PDE3B: variants seen among roughly 807,000 people sequenced by gnomAD.
The protein encoded by PDE3B is cGMP-inhibited 3',5'-cyclic phosphodiesterase 3B.
Under a neutral mutation model 116.8 loss-of-function variants are expected in PDE3B, and 66 were observed. The ratio of observed to expected loss-of-function variants is 0.56; its 90% CI spans 0.46 to 0.69. The LOEUF is 0.69. Ranked by LOEUF, PDE3B falls within the 30% of genes least tolerant of loss-of-function variation. The pLI, the probability that PDE3B is intolerant of heterozygous loss-of-function variation, is 0.00. For synonymous variants in PDE3B, 595 were observed against 533.6 expected, an observed-to-expected ratio of 1.12 and a Z score of -1.59; for missense variants, 1,384 against 1,368.1, an observed-to-expected ratio of 1.01 and a Z score of -0.18.
At chr11:14,879,189 C>G in the PDE3B span, 1 of 1,613,294 alleles carries the variant, frequency 6.2e-7, no homozygotes. Context: ...GGATGGAACA[C>G]TTCTGGGTCT....
At chr11:14,796,026 GT>G in intron 4 of PDE3B, among the ~76,000 whole-genome samples, 1 of 151,876 alleles carries the variant, frequency 6.6e-6, no homozygotes, top group Non-Finnish European at 1.5e-5. Flanking sequence ...CCCTCCTCTA[GT>G]CCCCCACCCC....
the PDE3B span, among the ~76,000 whole-genome samples, chr11:14,885,597 A>C: frequency 6.6e-6 from 1 of 152,204 alleles, no homozygotes. Context: ...TTAGCAATGT[A>C]CTGGTCTAAA....
chr11:14,803,287 G>A (rs1208383130), intron 4 of PDE3B, among the ~76,000 whole-genome samples: 1 of 152,206 alleles, frequency 6.6e-6, no homozygotes, highest in Non-Finnish European at 1.5e-5. Flanking sequence ...AAGAATGACT[G>A]AGCATTGACA....
intron 1 of PDE3B, among the ~76,000 whole-genome samples, chr11:14,684,084 C>G (rs997935348): frequency 6.6e-6 from 1 of 152,114 alleles, no homozygotes; most frequent in African/African-American, 2.4e-5. Flanking sequence ...GAGATTTTAT[C>G]TGTGGTACTT....
At chr11:14,675,302 G>T (rs572761622) in intron 1 of PDE3B, among the ~76,000 whole-genome samples, 18 of 151,798 alleles carry the variant, frequency 1.2e-4, no homozygotes, top group African/African-American at 4.3e-4. Flanking sequence ...ATAATCTTTG[G>T]GGTCGTTCCT....
chr11:14,699,931 A>G (rs1272084709), intron 1 of PDE3B, among the ~76,000 whole-genome samples: 1 of 151,792 alleles, frequency 6.6e-6, no homozygotes, highest in Non-Finnish European at 1.5e-5. Flanking sequence ...TGAAATTGCT[A>G]TCTCAGTGGC....
intron 1 of PDE3B, among the ~76,000 whole-genome samples, chr11:14,755,530 G>A (rs1211899358): frequency 6.6e-6 from 1 of 152,122 alleles, no homozygotes; most frequent in Non-Finnish European, 1.5e-5. Context: ...GCTTGTCTGC[G>A]TGAAAAGACA....
At chr11:14,799,421 G>A (rs1858671598) in intron 4 of PDE3B, among the ~76,000 whole-genome samples, 1 of 152,160 alleles carries the variant, frequency 6.6e-6, no homozygotes, top group Admixed American at 6.5e-5. Context: ...GATTTGGGGT[G>A]GAGAGTTCTG....
At chr11:14,722,021 A>C (rs1856121293) in intron 1 of PDE3B, among the ~76,000 whole-genome samples, 1 of 151,828 alleles carries the variant, frequency 6.6e-6, no homozygotes, top group Non-Finnish European at 1.5e-5. Flanking sequence ...AGGGACATGG[A>C]TGAAGCTGGA....
intron 1 of PDE3B, among the ~76,000 whole-genome samples, chr11:14,743,892 C>G (rs958778499): frequency 6.6e-6 from 1 of 152,144 alleles, no homozygotes. Flanking sequence ...GGGCTGGACC[C>G]ACTGTCTAAC....
At chr11:14,856,873 C>A (rs1555006272) in intron 12 of PDE3B, among the ~76,000 whole-genome samples, 1 of 149,818 alleles carries the variant, frequency 6.7e-6, no homozygotes. Context: ...AAAAAAAGTG[C>A]CTTCTTAGTC....
the PDE3B span, chr11:14,885,934 A>C: frequency 5.0e-6 from 8 of 1,612,024 alleles, no homozygotes; most frequent in Non-Finnish European, 6.8e-6. Context: ...GAAGAGAAGA[A>C]AAACAACATT....
intron 1 of PDE3B, among the ~76,000 whole-genome samples, chr11:14,688,364 A>C (rs1345934938): frequency 6.6e-6 from 1 of 152,204 alleles, no homozygotes; most frequent in Non-Finnish European, 1.5e-5. Flanking sequence ...GAATCTTAGC[A>C]ACTGAAAGCA....
At chr11:14,692,261 A>C (rs11023308) in intron 1 of PDE3B, among the ~76,000 whole-genome samples, 21,439 of 151,980 alleles carry the variant, frequency 0.14, 2,211 homozygotes, top group African/African-American at 0.3. Context: ...GTGACAAAGC[A>C]AGACCCTATC....
intron 4 of PDE3B, among the ~76,000 whole-genome samples, chr11:14,794,382 T>G (rs1351477955): frequency 2.6e-5 from 4 of 151,426 alleles, no homozygotes; most frequent in Non-Finnish European, 4.4e-5. Context: ...AGTGGCACGA[T>G]CTCTGCCCAC....
At chr11:14,867,848 C>CA in intron 15 of PDE3B, 90 bp downstream of exon 15, 1 of 1,214,914 alleles carries the variant, frequency 8.2e-7, no homozygotes, top group Non-Finnish European at 1.1e-6. Context: ...CTCCAAAATC[C>CA]AAAATTTTTT....
At chr11:14,706,512 C>T (rs974736868) in intron 1 of PDE3B, among the ~76,000 whole-genome samples, 4 of 151,768 alleles carry the variant, frequency 2.6e-5, no homozygotes, top group East Asian at 1.9e-4. Context: ...ATTTAAAGTG[C>T]GGGCACATAG....
In PDE3B at chr11:14,721,926, T is replaced by TA. The variant is rs1200588371; in HGVS notation, c.979-49996dup. ...TGTACCCTAAAACTTAAAGTATAAT[T>TA]AAAAAAAAAAAAAAAGAAAATGTGG... On this transcript the variant is annotated intron_variant, in intron 1 of 15. Transcript: ENST00000282096. Among the ~76,000 whole-genome samples the TA allele has an allele frequency of 5.7e-3, 663 of 116,466 alleles. 4 individuals are homozygous for TA. The highest frequency in any genetic ancestry group is 0.011 in the South Asian group (38 of 3,612). The allele number at this position is 116,466 out of a possible 152,430, so 76.4% of individuals were successfully genotyped here.
chr11:14,769,751 A>G (rs893871119), intron 1 of PDE3B, among the ~76,000 whole-genome samples: 2 of 149,160 alleles, frequency 1.3e-5, no homozygotes, highest in East Asian at 3.9e-4. Context: ...ATCTGTTTGT[A>G]TACTGTAGCC....
Sources: gnomAD v4.1 joint callset for allele counts (sites outside exome capture counted in the v4.1 genomes callset) on GRCh38, gnomAD v4.1.1 for gene constraint, MANE v1.5 for transcripts, NCBI Gene and HGNC (gene_info 2026-07-23, HGNC 2026-07-21) for gene names.